The following RPS6KA2 variants were observed in gnomAD, a reference collection of about 807,000 sequenced individuals.
RPS6KA2 encodes the protein ribosomal protein S6 kinase alpha-2.
A neutral mutation model predicts 91.8 loss-of-function variants in RPS6KA2; 42 were observed. The observed-to-expected ratio is 0.46, with a 90% CI of 0.36 to 0.59. RPS6KA2 has a LOEUF of 0.59. Among genes scored for constraint, RPS6KA2 ranks in the 20% least tolerant of loss-of-function variants. RPS6KA2 has a pLI of 0.00. For synonymous variants in RPS6KA2, 414 were observed against 393.6 expected (o/e 1.05, Z -0.61); for missense variants, 798 against 978.5 (o/e 0.82, Z 2.46).
At position 166,726,879 on chromosome 6, in the gene RPS6KA2, C is replaced by A. The variant is rs1421952193; in HGVS notation, c.123+131321G>T. On this transcript the variant is annotated intron_variant, in intron 2 of 21. Coordinates refer to the RPS6KA2 transcript ENST00000503859. The surrounding 1 kb of genome is among the most constrained non-coding windows in gnomAD (Gnocchi z 4.4). ...TGGCGGGTGGGGAGGAATCCCAGGC[C>A]TGGAATCTACCGTCCTGGGTGCTGT... 1.3e-5 allele frequency among the ~76,000 whole-genome samples: 2 copies of A among 152,162 alleles called. No individual in the cohort carries two copies. Among genetic ancestry groups the A allele is most frequent in the Non-Finnish European group, 2.9e-5 (2 of 68,036 alleles).
intron 1 of RPS6KA2, among the ~76,000 whole-genome samples, chr6:166,568,814 T>C (rs2128508858): frequency 6.6e-6 from 1 of 152,300 alleles, no homozygotes; most frequent in East Asian, 1.9e-4. Flanking sequence ...TCTGAATGTA[T>C]GTGGCATAAT....
At chr6:166,469,087 C>G (rs1780653215) in intron 11 of RPS6KA2, among the ~76,000 whole-genome samples, 1 of 152,178 alleles carries the variant, frequency 6.6e-6, no homozygotes, top group Non-Finnish European at 1.5e-5. Context: ...GAAGGAACAG[C>G]CTCCGAGTTT....
chr6:166,744,558 G>A lies in RPS6KA2; in HGVS notation c.123+113642C>T, dbSNP rs559262385. Among the ~76,000 whole-genome samples the A allele has an allele frequency of 1.3e-4, 20 of 152,352 alleles. No homozygotes were observed. In the East Asian group the frequency reaches 3.9e-3, roughly 29 times the overall value. On this transcript the variant is annotated intron_variant, in intron 2 of 21. Transcript: ENST00000503859. ...GGACTGCCTCAGAGGAGACTGCGCT[G>A]CAGCAGGGCCCAGGCTGGAGAGCCG...
At chr6:166,481,807 T>C (rs116167351) in intron 10 of RPS6KA2, among the ~76,000 whole-genome samples, 142 of 151,108 alleles carry the variant, frequency 9.4e-4, no homozygotes, top group Middle Eastern at 3.4e-3. Flanking sequence ...TCTGATAAGA[T>C]GGCAGACTGC....
intron 2 of RPS6KA2, among the ~76,000 whole-genome samples, chr6:166,793,388 T>C (rs12178584): frequency 0.33 from 48,050 of 146,208 alleles, 8,311 homozygotes; most frequent in African/African-American, 0.44. Flanking sequence ...TCCATGCTCA[T>C]GGGTAGGAAG....
At chr6:166,716,432 T>C (rs75885991) in intron 2 of RPS6KA2, among the ~76,000 whole-genome samples, 1 of 152,098 alleles carries the variant, frequency 6.6e-6, no homozygotes, top group African/African-American at 2.4e-5. Flanking sequence ...CAGGACATCA[T>C]CCCAGCGGGC....
intron 8 of RPS6KA2, among the ~76,000 whole-genome samples, chr6:166,497,064 C>G (rs1295487865): frequency 6.6e-6 from 1 of 152,160 alleles, no homozygotes; most frequent in South Asian, 2.1e-4. Context: ...GACGGCAAAG[C>G]AAACCTGCCT....
intron 2 of RPS6KA2, among the ~76,000 whole-genome samples, chr6:166,697,271 T>C (rs1583028771): frequency 1.3e-5 from 2 of 152,248 alleles, no homozygotes; most frequent in South Asian, 2.1e-4. Context: ...AAATAAACCA[T>C]AGTGCAACCC....
Position 166,410,569 on chromosome 6 carries a change from G to A in RPS6KA2, c.*2193C>T, listed in dbSNP as rs977746816. 1.3e-5 allele frequency: 2 copies of A among 152,306 alleles called. No homozygotes were observed. The highest frequency in any genetic ancestry group is 1.5e-5 in the Non-Finnish European group (1 of 68,036). 9.4% of individuals were successfully genotyped at this position (152,306 alleles called of 1,614,324 possible). A position where few individuals can be genotyped will look rare whatever the true frequency, so the allele number is the denominator to read the frequency against. On this transcript the variant is annotated 3_prime_UTR_variant, in exon 21 of 21. Transcript: ENST00000265678. Reference sequence around the variant, plus strand: ...TCAAATACATGTAAGGACAGAGCTCGCTGTGATGGGGAGTCTCGTCGGTCC... The same window carrying A: ...TCAAATACATGTAAGGACAGAGCTCACTGTGATGGGGAGTCTCGTCGGTCC...
intron 1 of RPS6KA2, among the ~76,000 whole-genome samples, chr6:166,552,330 A>C (rs1285389445): frequency 6.6e-6 from 1 of 152,218 alleles, no homozygotes; most frequent in Admixed American, 6.5e-5. Context: ...GAAATGGTTT[A>C]GAGCGGTGCT....
intron 2 of RPS6KA2, among the ~76,000 whole-genome samples, chr6:166,721,843 TCAGAGGAGGAGCCGG>T (rs1790184770): frequency 1.2e-4 from 2 of 17,214 alleles, no homozygotes; most frequent in Non-Finnish European, 2.2e-4. Flanking sequence ...CGGTGCCAGC[TCAGAGGAGGAGCCGG>T]TGCCAGCCTC....
chr6:166,428,370 T>A (rs1269129613), intron 16 of RPS6KA2, among the ~76,000 whole-genome samples: 10 of 139,448 alleles, frequency 7.2e-5, no homozygotes, highest in South Asian at 2.4e-4. Context: ...AACCTAGGCA[T>A]TACCATTCAG....
intron 2 of RPS6KA2, chr6:166,701,234 G>A (rs1789508686): frequency 6.2e-7 from 1 of 1,611,948 alleles, no homozygotes; most frequent in African/African-American, 1.3e-5. Context: ...ACAACCACTT[G>A]GTCATTCTCA....
chr6:166,432,994 C>CA (rs397728789), intron 14 of RPS6KA2, among the ~76,000 whole-genome samples: 21,595 of 82,524 alleles, frequency 0.26, 2,305 homozygotes, highest in East Asian at 0.54. Context: ...GACTCTGTCT[C>CA]AAAAAAAAAA....
rs556654050 is a variant in RPS6KA2, at chr6:166,533,571, T to C, written c.217-2258A>G. ...CCTGGCCTAGGCAATGAAGAGCAGG[T>C]GCAAAACGTTCCAGCTGCCACTCCC... On this transcript the variant is annotated intron_variant, in intron 2 of 20. Coordinates refer to ENST00000265678, the MANE Select transcript of RPS6KA2 (RefSeq NM_021135.6). The surrounding 1 kb of genome is among the most constrained non-coding windows in gnomAD (Gnocchi z 4.0). Among the ~76,000 whole-genome samples the C allele has an allele frequency of 6.6e-5, 10 of 152,076 alleles. No homozygotes were observed. The highest frequency in any genetic ancestry group is 1.2e-4 in the Non-Finnish European group (8 of 68,000).
Position 166,688,009 on chromosome 6 carries a change from G to A in RPS6KA2, c.124-149225C>T, listed in dbSNP as rs533954076. Among the ~76,000 whole-genome samples the A allele has an allele frequency of 3.3e-5, 5 of 152,308 alleles. No homozygotes were observed. The South Asian group carries it at 1.0e-3, about 32-fold the overall frequency. ...GAAGGAGCAGGGACAGAGCTGGGCT[G>A]CTCTGCATGACACAGCGGGACAGGG... On this transcript the variant is annotated intron_variant, in intron 2 of 21. Coordinates refer to the RPS6KA2 transcript ENST00000503859.
At chr6:166,738,238 C>CA (rs1350241056) in intron 2 of RPS6KA2, among the ~76,000 whole-genome samples, 1 of 152,184 alleles carries the variant, frequency 6.6e-6, no homozygotes, top group Non-Finnish European at 1.5e-5. Flanking sequence ...AATTATAACT[C>CA]AAACAGTCCT....
intron 2 of RPS6KA2, among the ~76,000 whole-genome samples, chr6:166,653,318 C>T (rs558249677): frequency 1.9e-4 from 29 of 152,248 alleles, no homozygotes; most frequent in Non-Finnish European, 4.3e-4. Context: ...GCCTCAGCCT[C>T]CCAAAGTGCT....
intron 2 of RPS6KA2, among the ~76,000 whole-genome samples, chr6:166,776,879 T>C (rs1778636085): frequency 6.6e-6 from 1 of 152,202 alleles, no homozygotes; most frequent in African/African-American, 2.4e-5. Flanking sequence ...AACAAGTGTG[T>C]GCGTATTTTT....
Sources: gnomAD v4.1 joint callset for allele counts (sites outside exome capture counted in the v4.1 genomes callset) on GRCh38, gnomAD v4.1.1 for gene constraint, Gnocchi (gnomAD v3.1) non-coding constraint, MANE v1.5 for transcripts, NCBI Gene and HGNC (gene_info 2026-07-23, HGNC 2026-07-21) for gene names.